MAST4: variants seen among roughly 807,000 people sequenced by gnomAD.
The protein encoded by MAST4 is microtubule associated serine/threonine kinase family member 4.
Under a neutral mutation model 162.7 loss-of-function variants are expected in MAST4, and 89 were observed. The observed-to-expected ratio is 0.55, with a 90% CI of 0.46 to 0.65. The LOEUF is 0.65. Among genes scored for constraint, MAST4 ranks in the 30% least tolerant of loss-of-function variants. The pLI is 0.00. For missense variants in MAST4, 3,153 were observed against 3,374.0 expected, an observed-to-expected ratio of 0.93 and a Z score of 1.62; for synonymous variants, 1,479 against 1,361.1, an observed-to-expected ratio of 1.09 and a Z score of -1.91.
intron 5 of MAST4, among the ~76,000 whole-genome samples, chr5:67,081,055 T>TAATATAA (rs1762576118): frequency 7.9e-6 from 1 of 125,806 alleles, no homozygotes; most frequent in Non-Finnish European, 1.6e-5. Context: ...ATTGTATATA[T>TAATATAA]TATATAATAT....
rs1554079054 is a variant in MAST4 at position 67,000,756 on chromosome 5, A to AAG, written c.675-53648_675-53647insAG. Among the ~76,000 whole-genome samples, 276 of 141,422 alleles carry AAG rather than the reference A, an allele frequency of 2.0e-3. 2 individuals carry two copies. Among genetic ancestry groups the AAG allele is most frequent in the African/African-American group, 7.0e-3 (273 of 38,998 alleles). The allele number at this position is 141,422 out of a possible 152,430, so 92.8% of individuals were successfully genotyped here. A position where few individuals can be genotyped will look rare whatever the true frequency, so the allele number is the denominator to read the frequency against. Reference sequence around the variant, plus strand: ...AGAGTGAAACTCTGTCTAAAAAAAAAGGGGGGGGGTGGCTTGTGTCAACAG... The same window carrying AAG: ...AGAGTGAAACTCTGTCTAAAAAAAAAAGGGGGGGGGGTGGCTTGTGTCAACAG... On this transcript the variant is annotated intron_variant, in intron 4 of 28. Coordinates refer to ENST00000403625, the MANE Select transcript of MAST4 (RefSeq NM_001164664.2).
At chr5:66,711,188 G>T (rs1340656022) in intron 1 of MAST4, among the ~76,000 whole-genome samples, 1 of 152,108 alleles carries the variant, frequency 6.6e-6, no homozygotes, top group African/African-American at 2.4e-5. Context: ...TCTCATTTCT[G>T]CATGGTTATG....
intron 3 of MAST4, among the ~76,000 whole-genome samples, chr5:66,813,663 C>G (rs1580515741): frequency 6.6e-6 from 1 of 152,314 alleles, no homozygotes; most frequent in African/African-American, 2.4e-5. Context: ...AAGATTGGTA[C>G]TTAAGTGTCA....
intron 2 of MAST4, among the ~76,000 whole-genome samples, chr5:66,767,093 G>T (rs1754129649): frequency 6.6e-6 from 1 of 151,930 alleles, no homozygotes; most frequent in African/African-American, 2.4e-5. Flanking sequence ...GTCCCAGCCT[G>T]GAAGAGACAT....
At chr5:66,808,429 GT>G (rs202068780) in intron 3 of MAST4, among the ~76,000 whole-genome samples, 3 of 151,560 alleles carry the variant, frequency 2.0e-5, no homozygotes, top group Middle Eastern at 3.4e-3. Flanking sequence ...ACTAAATTAG[GT>G]TTTTTTTTGG....
chr5:66,717,920 A>G (rs947790263), intron 1 of MAST4, among the ~76,000 whole-genome samples: 5 of 152,070 alleles, frequency 3.3e-5, no homozygotes, highest in African/African-American at 7.2e-5. Context: ...AGGCCGTGGG[A>G]CCGCTGGGTC....
rs765563658 is a variant in MAST4, at chr5:67,142,104, C to G, written c.2495-11C>G. On this transcript the variant is annotated splice_polypyrimidine_tract_variant and intron_variant, in intron 19 of 28. Coordinates refer to ENST00000403625, the MANE Select transcript of MAST4 (RefSeq NM_001164664.2). The stretch of plus-strand genomic sequence containing the variant: ...ACACTTTCCTCTCTGTCTCTACCTG[C>G]CCCCTTCCAGGTGGTGCATATGAAG... 1 of 1,612,814 alleles carries G rather than the reference C, an allele frequency of 6.2e-7. No homozygotes were observed. The highest frequency in any genetic ancestry group is 1.1e-5 in the South Asian group (1 of 90,980).
At chr5:66,974,124 A>G (rs1006727802) in intron 4 of MAST4, among the ~76,000 whole-genome samples, 1 of 152,182 alleles carries the variant, frequency 6.6e-6, no homozygotes. Context: ...CGGCCACTCT[A>G]TGAGAACACC....
At chr5:67,162,491 C>G in intron 27 of MAST4, 116 bp from the exon 28 acceptor site, 1 of 837,868 alleles carries the variant, frequency 1.2e-6, no homozygotes, top group Non-Finnish European at 1.9e-6. Context: ...TTAATAGGAT[C>G]TGCTGTTGTA....
intron 4 of MAST4, among the ~76,000 whole-genome samples, chr5:66,969,975 A>G (rs1747229098): frequency 6.6e-6 from 1 of 152,170 alleles, no homozygotes; most frequent in Admixed American, 6.5e-5. Flanking sequence ...TGATGGTTTA[A>G]TGAATTCCTG....
At chr5:66,759,914 C>A (rs1753758985) in intron 2 of MAST4, 52 bp downstream of exon 2, 1 of 1,593,404 alleles carries the variant, frequency 6.3e-7, no homozygotes, top group Non-Finnish European at 8.6e-7. Context: ...TTTACAAGGT[C>A]CTGCATGGCC....
chr5:66,605,036 T>A (rs1052965387), intron 1 of MAST4, among the ~76,000 whole-genome samples: 1 of 152,242 alleles, frequency 6.6e-6, no homozygotes, highest in Non-Finnish European at 1.5e-5. Context: ...ATTTTGTGTA[T>A]AAAAGTTCAA....
At chr5:66,974,007 T>G (rs1318430754) in intron 4 of MAST4, among the ~76,000 whole-genome samples, 1 of 152,150 alleles carries the variant, frequency 6.6e-6, no homozygotes, top group Non-Finnish European at 1.5e-5. Flanking sequence ...CACAGGATGT[T>G]CTAGCTGTCC....
intron 18 of MAST4, 141 bp downstream of exon 18, chr5:67,134,829 A>G (rs974736317): frequency 1.6e-6 from 1 of 640,734 alleles, no homozygotes; most frequent in Non-Finnish European, 2.5e-6. Flanking sequence ...CACTCATCAA[A>G]GCATATAACT....
intron 4 of MAST4, among the ~76,000 whole-genome samples, chr5:66,929,845 A>C (rs1351351598): frequency 6.6e-6 from 1 of 152,232 alleles, no homozygotes. Context: ...ATGGAACTGC[A>C]AGGTGGAAGT....
chr5:67,077,480 C>T (rs539252672), intron 5 of MAST4, among the ~76,000 whole-genome samples: 128 of 152,298 alleles, frequency 8.4e-4, no homozygotes, highest in African/African-American at 2.9e-3. Flanking sequence ...ACTCAGGTGA[C>T]GAATCACCTG....
chr5:66,793,758 T>C (rs1755527218), intron 3 of MAST4, among the ~76,000 whole-genome samples: 1 of 152,234 alleles, frequency 6.6e-6, no homozygotes, highest in African/African-American at 2.4e-5. Flanking sequence ...TTCATTCACA[T>C]TCTTCCCATT....
chr5:66,816,345 G>A (rs79016123), intron 3 of MAST4, among the ~76,000 whole-genome samples: 5,895 of 152,052 alleles, frequency 0.039, 177 homozygotes, highest in South Asian at 0.13. Flanking sequence ...CCCTGTTCAC[G>A]GCCACAGGAA....
chr5:66,622,061 C>T (rs1266957153), intron 1 of MAST4, among the ~76,000 whole-genome samples: 3 of 151,996 alleles, frequency 2.0e-5, no homozygotes, highest in African/African-American at 7.3e-5. Flanking sequence ...AGTTTGCAGA[C>T]CTCTGTGTTA....
Sources: gnomAD v4.1 joint callset for allele counts (sites outside exome capture counted in the v4.1 genomes callset) on GRCh38, gnomAD v4.1.1 for gene constraint, MANE v1.5 for transcripts, NCBI Gene and HGNC (gene_info 2026-07-23, HGNC 2026-07-21) for gene names.